The following BLTP1 variants were observed in gnomAD, a reference collection of about 807,000 sequenced individuals.
BLTP1 encodes fragile site-associated protein.
the BLTP1 span, chr4:122,183,298 T>C: frequency 4.1e-6 from 3 of 737,304 alleles, no homozygotes; most frequent in African/African-American, 6.1e-5. Context: ...GTTGCACCAC[T>C]GCATGCCACA....
the BLTP1 span, among the ~76,000 whole-genome samples, chr4:122,357,929 A>G: frequency 6.6e-6 from 1 of 152,210 alleles, no homozygotes; most frequent in Non-Finnish European, 1.5e-5. Context: ...ATACATTGAA[A>G]TGCTCTTTTA....
the BLTP1 span, among the ~76,000 whole-genome samples, chr4:122,295,143 T>C: frequency 1.3e-5 from 2 of 152,004 alleles, no homozygotes; most frequent in Non-Finnish European, 2.9e-5. Flanking sequence ...CTGATTGGGG[T>C]ACCTGAAAGA....
At chr4:122,331,599 T>A in the BLTP1 span, 1 of 1,528,616 alleles carries the variant, frequency 6.5e-7, no homozygotes, top group Non-Finnish European at 8.8e-7. Context: ...ATACTATTCA[T>A]ATATCACTGA....
the BLTP1 span, chr4:122,175,833 T>C: frequency 6.5e-7 from 1 of 1,543,136 alleles, no homozygotes; most frequent in South Asian, 1.1e-5. Context: ...TCTAATTTTG[T>C]AATTTCCCTT....
At chr4:122,184,893 T>C in the BLTP1 span, 2 of 984,458 alleles carry the variant, frequency 2.0e-6, no homozygotes, top group African/African-American at 3.5e-5. Flanking sequence ...TTTCCAGACA[T>C]GAAATCTGCC....
chr4:122,236,928 G>T, the BLTP1 span: 6 of 985,200 alleles, frequency 6.1e-6, no homozygotes, highest in Non-Finnish European at 7.2e-6. Context: ...CAGGAATGGA[G>T]TACAGATGCA....
the BLTP1 span, chr4:122,225,210 A>C: frequency 5.1e-6 from 1 of 196,102 alleles, no homozygotes; most frequent in Non-Finnish European, 9.3e-6. Flanking sequence ...GTTTCAAAAA[A>C]CAAAAGTGAA....
At chr4:122,256,900 C>T in the BLTP1 span, 2 of 215,960 alleles carry the variant, frequency 9.3e-6, no homozygotes, top group Non-Finnish European at 1.6e-5. Flanking sequence ...TTCCAAGTAG[C>T]TCAAAATGCA....
chr4:122,330,546 T>C, the BLTP1 span, among the ~76,000 whole-genome samples: 2 of 152,042 alleles, frequency 1.3e-5, no homozygotes, highest in South Asian at 2.1e-4. Flanking sequence ...CTTAAGTTCT[T>C]AGCCAATTAT....
At chr4:122,181,659 C>CT in the BLTP1 span, among the ~76,000 whole-genome samples, 3 of 151,448 alleles carry the variant, frequency 2.0e-5, no homozygotes, top group African/African-American at 7.3e-5. Context: ...ATTCATTCCT[C>CT]TATCTAGTAT....
the BLTP1 span, among the ~76,000 whole-genome samples, chr4:122,265,825 A>G: frequency 2.0e-5 from 3 of 151,650 alleles, no homozygotes; most frequent in Non-Finnish European, 4.4e-5. Context: ...CAGCCTCCCA[A>G]GTAGCTGGAA....
At chr4:122,350,038 A>G in the BLTP1 span, 4 of 1,613,888 alleles carry the variant, frequency 2.5e-6, no homozygotes, top group Non-Finnish European at 3.4e-6. Context: ...GCCAAAGACA[A>G]TGACTAGCAA....
chr4:122,276,015 G>A, the BLTP1 span: 1 of 1,584,886 alleles, frequency 6.3e-7, no homozygotes, highest in Non-Finnish European at 8.6e-7. Context: ...AGCCAAACAA[G>A]AGTTTCTGTA....
the BLTP1 span, chr4:122,289,130 A>C: frequency 6.2e-7 from 1 of 1,610,426 alleles, no homozygotes; most frequent in Non-Finnish European, 8.5e-7. Flanking sequence ...CTTCTAAACC[A>C]CTTGGTATTT....
the BLTP1 span, chr4:122,297,901 C>G: frequency 6.6e-6 from 1 of 152,226 alleles, no homozygotes; most frequent in Non-Finnish European, 1.5e-5. Context: ...ACACTGGGAC[C>G]TGTCAGCAGG....
chr4:122,336,518 A>G, the BLTP1 span: 1 of 496,084 alleles, frequency 2.0e-6, no homozygotes, highest in Admixed American at 6.4e-5. Flanking sequence ...ATTGTCATTT[A>G]CAAATGAAGA....
chr4:122,255,600 C>T, the BLTP1 span, among the ~76,000 whole-genome samples: 3 of 152,020 alleles, frequency 2.0e-5, no homozygotes, highest in African/African-American at 4.8e-5. Context: ...AAACCAAGAT[C>T]GCACCATTTC....
chr4:122,250,036 C>T, the BLTP1 span: 4 of 906,998 alleles, frequency 4.4e-6, no homozygotes, highest in South Asian at 1.0e-4. Flanking sequence ...ACTGTAAATT[C>T]TTTATTCAGC....
the BLTP1 span, among the ~76,000 whole-genome samples, chr4:122,330,189 G>A: frequency 6.6e-6 from 1 of 151,730 alleles, no homozygotes; most frequent in South Asian, 2.1e-4. Flanking sequence ...CAGTGAACTT[G>A]GGAGTGCTAA....
Sources: allele counts gnomAD v4.1 joint callset (sites outside exome capture counted in the v4.1 genomes callset), GRCh38; gene constraint gnomAD v4.1.1; transcripts MANE v1.5; gene names NCBI Gene and HGNC (gene_info 2026-07-23, HGNC 2026-07-21).